CACNG1: variants seen among roughly 807,000 people sequenced by gnomAD.
CACNG1 encodes voltage-dependent calcium channel gamma-1 subunit.
Under a neutral mutation model 22.0 loss-of-function variants are expected in CACNG1, and 21 were observed. That is an observed-to-expected ratio of 0.95 (90% CI 0.68 to 1.37). The LOEUF is 1.37. CACNG1 is among the 40% of genes most tolerant of loss of function. CACNG1 has a pLI of 0.00. For synonymous variants in CACNG1, 127 were observed against 129.2 expected (o/e 0.98, Z 0.12); for missense variants, 291 against 308.6 (o/e 0.94, Z 0.43).
In CACNG1 at chr17:67,056,289, C is replaced by G; in HGVS notation, c.*18C>G. On this transcript the variant is annotated 3_prime_UTR_variant, in exon 4 of 4. Coordinates refer to ENST00000226021, the MANE Select transcript of CACNG1 (RefSeq NM_000727.4). The surrounding 1 kb of genome is among the most constrained non-coding windows in gnomAD (Gnocchi z 4.3). ...AGCACTAACCCTCCTGCGGCCCTAG[C>G]GACCCTCAGGCTTCTTCCCCAGGAA... 6.2e-7 allele frequency: 1 copy of G among 1,607,486 alleles called. No individual in the cohort carries two copies. The highest frequency in any genetic ancestry group is 1.1e-5 in the South Asian group (1 of 90,950).
At chr17:67,047,164 C>T (rs1324126362) in intron 1 of CACNG1, among the ~76,000 whole-genome samples, 3 of 151,886 alleles carry the variant, frequency 2.0e-5, no homozygotes, top group Non-Finnish European at 4.4e-5. Context: ...GCCCTGTGTG[C>T]CAAATATTGT....
At position 67,044,773 on chromosome 17, in the gene CACNG1, A is replaced by T. The variant is rs1484093273; in HGVS notation, c.113A>T (p.His38Leu). The change falls in exon 1 of 4, where the codon CAC (histidine) becomes CTC (leucine). Residue 38 changes from histidine to leucine, a missense_variant. His to Leu is a moderately conservative substitution (Grantham distance 99). Coordinates refer to ENST00000226021, the MANE Select transcript of CACNG1 (RefSeq NM_000727.4). The surrounding 1 kb of genome is among the most constrained non-coding windows in gnomAD (Gnocchi z 6.9). The part of the protein sequence containing the change: ...VTDHWAVLSP[H>L]MEHHNTTCEA... Reference sequence around the variant, plus strand: ...GACCACTGGGCTGTGCTGAGCCCCCACATGGAGCACCACAACACTACCTGC... The same window carrying T: ...GACCACTGGGCTGTGCTGAGCCCCCTCATGGAGCACCACAACACTACCTGC... 1 of 1,613,176 alleles carries T rather than the reference A, an allele frequency of 6.2e-7. No homozygotes were observed. The highest frequency in any genetic ancestry group is 1.7e-5 in the Admixed American group (1 of 60,010).
chr17:67,047,990 T>C (rs369728767), intron 1 of CACNG1, among the ~76,000 whole-genome samples: 1 of 152,206 alleles, frequency 6.6e-6, no homozygotes, highest in Admixed American at 6.5e-5. Flanking sequence ...GGGAGAGGCA[T>C]TGTTGCCAAG....
At chr17:67,049,638 G>A (rs2035716930) in intron 1 of CACNG1, among the ~76,000 whole-genome samples, 1 of 152,128 alleles carries the variant, frequency 6.6e-6, no homozygotes, top group Admixed American at 6.5e-5. Flanking sequence ...GCCTTCCCCA[G>A]GCTAACCAGC....
At chr17:67,048,471 G>C (rs185701454) in intron 1 of CACNG1, among the ~76,000 whole-genome samples, 91 of 152,078 alleles carry the variant, frequency 6.0e-4, no homozygotes, top group Non-Finnish European at 1.1e-3. Context: ...CTCCAGCCTG[G>C]GTGACAGAGC....
chr17:67,047,666 T>C (rs2035704918), intron 1 of CACNG1, among the ~76,000 whole-genome samples: 1 of 152,154 alleles, frequency 6.6e-6, no homozygotes, highest in South Asian at 2.1e-4. Context: ...TGAAAATAAT[T>C]AGAGATGATT....
chr17:67,044,821 G>T lies in CACNG1; in HGVS notation c.161G>T (p.Trp54Leu), dbSNP rs202046182. ...TGCGAGGCGGCCCACTTCGGCCTCT[G>T]GCGGATTTGTACCAAGCGCATCCCC... Reference protein sequence around the residue: ...TTCEAAHFGLWRICTKRIPMD... With the variant: ...TTCEAAHFGLLRICTKRIPMD... Residue 54 changes from tryptophan (W) to leucine (L), a missense_variant, in exon 1 of 4, where the codon TGG becomes TTG. By Grantham distance (61) the Trp-to-Leu change is moderately conservative. Transcript: ENST00000226021. The surrounding 1 kb of genome is among the most constrained non-coding windows in gnomAD (Gnocchi z 6.9). 7.4e-5 allele frequency: 120 copies of T among 1,613,458 alleles called. No homozygotes were observed. In the Admixed American group the frequency reaches 2.0e-3, roughly 27 times the overall value.
At chr17:67,053,330 C>T (rs1030421176) in intron 1 of CACNG1, among the ~76,000 whole-genome samples, 6 of 152,248 alleles carry the variant, frequency 3.9e-5, no homozygotes, top group Non-Finnish European at 7.3e-5. Flanking sequence ...GCACATCAGG[C>T]TCTCCCAGAA....
At position 67,054,735 on chromosome 17, in the gene CACNG1, C is replaced by A. The variant is rs1194916776; in HGVS notation, c.305-368C>A. 1.3e-5 allele frequency among the ~76,000 whole-genome samples: 2 copies of A among 150,380 alleles called. No homozygotes were observed. The highest frequency in any genetic ancestry group is 4.9e-5 in the African/African-American group (2 of 40,884). On this transcript the variant is annotated intron_variant, in intron 2 of 3. Transcript: ENST00000226021. The surrounding 1 kb of genome is among the most constrained non-coding windows in gnomAD (Gnocchi z 4.6). ...AAAATGACACACAGTGACACAGACA[C>A]ACACTGATACACATGCATGATGACA...
Position 67,055,974 on chromosome 17 carries a change from C to T in CACNG1, c.443-71C>T. On this transcript the variant is annotated intron_variant, in intron 3 of 3. Transcript: ENST00000226021. The surrounding 1 kb of genome is among the most constrained non-coding windows in gnomAD (Gnocchi z 4.5). ...AAGGTCACCGCCTCCTCCATGCACA[C>T]AGGCTGGGATGGGGCTGGTGGCTAC... The T allele has an allele frequency of 7.7e-7, 1 of 1,306,812 alleles. No individual in the cohort carries two copies. 81.0% of individuals were successfully genotyped at this position (1,306,812 alleles called of 1,614,324 possible). A position where few individuals can be genotyped will look rare whatever the true frequency, so the allele number is the denominator to read the frequency against.
At position 67,054,447 on chromosome 17, in the gene CACNG1, C is replaced by T. The variant is rs760067970; in HGVS notation, c.304+377C>T. 2.0e-5 allele frequency among the ~76,000 whole-genome samples: 3 copies of T among 152,230 alleles called. No individual in the cohort carries two copies. The highest frequency in any genetic ancestry group is 2.9e-5 in the Non-Finnish European group (2 of 68,030). On this transcript the variant is annotated intron_variant, in intron 2 of 3. Transcript: ENST00000226021. This position sits in a 1 kb window ranked among gnomAD's most constrained non-coding sequence, Gnocchi z 4.6. ...CTGCAGGGACAGTCTGAGTCCCTCC[C>T]TGGCCTAGAAATCCCTCCCTGAGTA...
At chr17:67,049,426 A>G (rs886873142) in intron 1 of CACNG1, among the ~76,000 whole-genome samples, 1 of 152,216 alleles carries the variant, frequency 6.6e-6, no homozygotes, top group Non-Finnish European at 1.5e-5. Context: ...CTCAGACCCT[A>G]ACATTCACCG....
chr17:67,055,825 C>T lies in CACNG1; in HGVS notation c.443-220C>T, dbSNP rs996888761. ...AAAGTGCTGGGATTACAGGTGTGAG[C>T]CACCACACCTGGCCACATGGTTGCC... is the stretch of plus-strand genomic sequence containing the variant. On this transcript the variant is annotated intron_variant, in intron 3 of 3. Coordinates refer to ENST00000226021, the MANE Select transcript of CACNG1 (RefSeq NM_000727.4). The surrounding 1 kb of genome is among the most constrained non-coding windows in gnomAD (Gnocchi z 4.5). Among the ~76,000 whole-genome samples, 1 of 152,172 alleles carries T rather than the reference C, an allele frequency of 6.6e-6. No homozygotes were observed. The highest frequency in any genetic ancestry group is 1.5e-5 in the Non-Finnish European group (1 of 68,028).
In CACNG1 at chr17:67,056,606, G is replaced by C; in HGVS notation, c.*335G>C. 3.0e-6 allele frequency: 1 copy of C among 329,346 alleles called. No individual in the cohort carries two copies. The highest frequency in any genetic ancestry group is 5.7e-6 in the Non-Finnish European group (1 of 176,666). The allele number at this position is 329,346 out of a possible 1,614,324, so 20.4% of individuals were successfully genotyped here. On this transcript the variant is annotated 3_prime_UTR_variant, in exon 4 of 4. Transcript: ENST00000226021. This position sits in a 1 kb window ranked among gnomAD's most constrained non-coding sequence, Gnocchi z 4.3. ...TAAGCTGCCTCCAGTTGTCCTTTAT[G>C]AACATTGCAGGGACAACCTGTGTTT... is the stretch of plus-strand genomic sequence containing the variant.
rs146567275 is a variant in CACNG1 at position 67,049,571 on chromosome 17, G to A, written c.230-4425G>A. ...ACAGGTGGTTCCTATTCTACAGGTG[G>A]TTCTCATTCTACAGGTGGGTCTCAT... On this transcript the variant is annotated intron_variant, in intron 1 of 3. Transcript: ENST00000226021. Among the ~76,000 whole-genome samples, 12 of 143,284 alleles carry A rather than the reference G, an allele frequency of 8.4e-5. No homozygotes were observed. The East Asian group carries it at 2.4e-3, about 28-fold the overall frequency. The allele number at this position is 143,284 out of a possible 152,430, so 94.0% of individuals were successfully genotyped here.
chr17:67,051,072 A>G (rs1318600238), intron 1 of CACNG1, among the ~76,000 whole-genome samples: 1 of 152,182 alleles, frequency 6.6e-6, no homozygotes, highest in Non-Finnish European at 1.5e-5. Flanking sequence ...AGAGAGGGGC[A>G]TCCCAGAGGC....
At chr17:67,045,430 T>C (rs1411622888) in intron 1 of CACNG1, among the ~76,000 whole-genome samples, 1 of 152,084 alleles carries the variant, frequency 6.6e-6, no homozygotes, top group African/African-American at 2.4e-5. Context: ...ACATGGGCCC[T>C]TGTGGGCTCT....
At position 67,055,164 on chromosome 17, in the gene CACNG1, C is replaced by A. The variant is rs780632218; in HGVS notation, c.366C>A (p.Ser122Arg). 6 of 1,614,114 alleles carry A rather than the reference C, an allele frequency of 3.7e-6. No individual in the cohort carries two copies. Among genetic ancestry groups the A allele is most frequent in the Non-Finnish European group, 5.1e-6 (6 of 1,180,036 alleles). Residue 122 changes from serine to arginine, a missense_variant, in exon 3 of 4, where the codon AGC becomes AGA. Ser to Arg is a moderately radical substitution (Grantham distance 110, BLOSUM62 -1). Transcript: ENST00000226021. The surrounding 1 kb of genome is among the most constrained non-coding windows in gnomAD (Gnocchi z 4.5). ...IFSLGFIILGSLCVLLSLGKK... is the reference protein window; with the variant it reads ...IFSLGFIILGRLCVLLSLGKK... Reference sequence around the variant, plus strand: ...GCCTTGGCTTCATCATCCTGGGCAGCCTCTGTGTCCTCCTGTCCCTCGGGA... The same window carrying A: ...GCCTTGGCTTCATCATCCTGGGCAGACTCTGTGTCCTCCTGTCCCTCGGGA...
In CACNG1 at chr17:67,055,225, T is replaced by C. The variant is rs1194717785; in HGVS notation, c.427T>C (p.Phe143Leu). The C allele has an allele frequency of 1.2e-6, 2 of 1,613,700 alleles. No individual in the cohort carries two copies. The highest frequency in any genetic ancestry group is 1.7e-6 in the Non-Finnish European group (2 of 1,179,694). ...CTATCTGCTGCGACCCGCGTCCATG[T>C]TCTATGCCTTTGCAGGTAGACTGGG... ...RDYLLRPASM[F>L]YAFAGLCILV... Residue 143 changes from phenylalanine to leucine, a missense_variant, in exon 3 of 4, where the codon TTC becomes CTC. Physicochemically the swap from Phe to Leu is conservative, Grantham distance 22 (BLOSUM62 0). Transcript: ENST00000226021. The surrounding 1 kb of genome is among the most constrained non-coding windows in gnomAD (Gnocchi z 4.5).
Sources: allele counts gnomAD v4.1 joint callset (sites outside exome capture counted in the v4.1 genomes callset), GRCh38; gene constraint gnomAD v4.1.1; non-coding constraint Gnocchi (gnomAD v3.1); transcripts MANE v1.5; gene names NCBI Gene and HGNC (gene_info 2026-07-23, HGNC 2026-07-21).